EXD1: variants seen among roughly 807,000 people sequenced by gnomAD.
EXD1 encodes the protein piRNA biogenesis protein EXD1.
In EXD1, 63 loss-of-function variants were observed where a neutral mutation model predicts 49.1. That is an observed-to-expected ratio of 1.28 (90% CI 1.05 to 1.58). EXD1 has a LOEUF of 1.58. Among genes scored for constraint, EXD1 ranks in the 40% most tolerant of loss-of-function variants. EXD1 has a pLI of 0.00. For synonymous variants in EXD1, 234 were observed against 239.2 expected (o/e 0.98, Z 0.20); for missense variants, 748 against 666.0 (o/e 1.12, Z -1.36).
chr15:41,211,944 A>C (rs1024187896), intron 6 of EXD1, among the ~76,000 whole-genome samples: 1 of 152,162 alleles, frequency 6.6e-6, no homozygotes, highest in Non-Finnish European at 1.5e-5. Flanking sequence ...AGCCTGGGCT[A>C]CTAAGCGAGA....
chr15:41,206,896 A>G (rs1208754788), intron 7 of EXD1, among the ~76,000 whole-genome samples: 1 of 139,936 alleles, frequency 7.1e-6, no homozygotes, highest in African/African-American at 2.7e-5. Flanking sequence ...CTGGGATTAC[A>G]GGCATGAGCC....
intron 11 of EXD1, 96 bp from the exon 12 acceptor site, chr15:41,184,689 C>G (rs1392796809): frequency 7.9e-6 from 10 of 1,269,606 alleles, no homozygotes; most frequent in Non-Finnish European, 7.3e-6. Flanking sequence ...GAGTCTCGCT[C>G]TGTCGCCCAG....
At chr15:41,196,312 ATTTTTTTTTTT>A (rs572843554) in intron 7 of EXD1, among the ~76,000 whole-genome samples, 1 of 108,144 alleles carries the variant, frequency 9.2e-6, no homozygotes, top group South Asian at 2.9e-4. Context: ...CGCCCAGCTA[ATTTTTTTTTTT>A]TTTTTTTTTT....
chr15:41,217,081 A>G lies in EXD1; in HGVS notation c.260+16T>C. The G allele has an allele frequency of 6.2e-7, 1 of 1,607,050 alleles. No homozygotes were observed. Among genetic ancestry groups the G allele is most frequent in the Non-Finnish European group, 8.5e-7 (1 of 1,175,954 alleles). ...ATTTGGAAAATATCATAATTAAGAA[A>G]ATTATTCCTTCTTACCTAACAGAAG... On this transcript the variant is annotated intron_variant, in intron 4 of 11. Coordinates refer to ENST00000458580, the MANE Select transcript of EXD1 (RefSeq NM_001286441.2).
chr15:41,191,424 G>A lies in EXD1; in HGVS notation c.864+18C>T. 4.8e-6 allele frequency: 7 copies of A among 1,445,918 alleles called. No homozygotes were observed. The highest frequency in any genetic ancestry group is 2.5e-5 in the African/African-American group (1 of 39,252). 89.6% of individuals were successfully genotyped at this position (1,445,918 alleles called of 1,614,324 possible). On this transcript the variant is annotated intron_variant, in intron 10 of 11. Transcript: ENST00000458580. ...CTTGAAAAAAAATAATGTCATACAGGACATCCTTTACACCCACCTGAATTA... is the reference window on the plus strand; with the variant it reads ...CTTGAAAAAAAATAATGTCATACAGAACATCCTTTACACCCACCTGAATTA...
At chr15:41,215,730 A>C in intron 6 of EXD1, 45 bp downstream of exon 6, 1 of 1,550,970 alleles carries the variant, frequency 6.4e-7, no homozygotes, top group Non-Finnish European at 8.9e-7. Context: ...CAGACATGAT[A>C]CCTACATACA....
chr15:41,224,314 T>C (rs1365016394), intron 2 of EXD1, among the ~76,000 whole-genome samples: 1 of 152,166 alleles, frequency 6.6e-6, no homozygotes, highest in Non-Finnish European at 1.5e-5. Flanking sequence ...GTTCCTGAGA[T>C]ATAAAACAAT....
intron 6 of EXD1, among the ~76,000 whole-genome samples, chr15:41,213,679 A>C (rs1566989679): frequency 6.6e-6 from 1 of 151,912 alleles, no homozygotes. Flanking sequence ...TTGTATTTTT[A>C]GTAGAGATGG....
At chr15:41,205,220 C>T (rs1460540948) in intron 7 of EXD1, among the ~76,000 whole-genome samples, 1 of 152,142 alleles carries the variant, frequency 6.6e-6, no homozygotes, top group African/African-American at 2.4e-5. Context: ...TCCCTTGGCC[C>T]CTGCATCTTG....
At chr15:41,228,046 G>A (rs997912979) in intron 1 of EXD1, among the ~76,000 whole-genome samples, 14 of 152,114 alleles carry the variant, frequency 9.2e-5, no homozygotes, top group African/African-American at 3.1e-4. Context: ...GTGAAACTCT[G>A]TCTCAAAAAA....
chr15:41,215,884 T>G (rs373412692), intron 5 of EXD1, 51 bp from the exon 6 acceptor site: 2 of 1,586,016 alleles, frequency 1.3e-6, no homozygotes, highest in Non-Finnish European at 1.7e-6. Context: ...AGCAACAGAA[T>G]AGCTTTCTCA....
At position 41,184,304 on chromosome 15, in the gene EXD1, T is replaced by C; in HGVS notation, c.1346A>G (p.Asn449Ser). ...CTCTGTGGGAGGTAGATGTTGAGGA[T>C]TTGTAGCTTGTTTATTCAAAGATTC... ...KEESLNKQAT[N>S]PQHLPPTEEG... Residue 449 changes from asparagine (N) to serine (S), a missense_variant, in exon 12 of 12, where the codon AAT becomes AGT. Transcript: ENST00000458580. 1 of 1,614,182 alleles carries C rather than the reference T, an allele frequency of 6.2e-7. No individual in the cohort carries two copies. Among genetic ancestry groups the C allele is most frequent in the Non-Finnish European group, 8.5e-7 (1 of 1,180,024 alleles).
intron 3 of EXD1, 44 bp downstream of exon 3, chr15:41,219,786 T>A (rs1025774614): frequency 6.3e-6 from 9 of 1,424,720 alleles, no homozygotes; most frequent in Non-Finnish European, 8.6e-6. Flanking sequence ...AATATTGGAA[T>A]GAAATCTCAG....
At chr15:41,187,998 A>C (rs375429123) in intron 11 of EXD1, among the ~76,000 whole-genome samples, 1 of 139,186 alleles carries the variant, frequency 7.2e-6, no homozygotes, top group East Asian at 2.2e-4. Context: ...CTGGGCAACA[A>C]GAGCGAAACC....
chr15:41,216,526 G>A (rs2047001107), intron 5 of EXD1, 142 bp downstream of exon 5: 1 of 820,640 alleles, frequency 1.2e-6, no homozygotes, highest in African/African-American at 1.7e-5. Flanking sequence ...AGCTACTATG[G>A]AGGCAGAGGC....
At chr15:41,204,605 C>A (rs2046794388) in intron 7 of EXD1, among the ~76,000 whole-genome samples, 2 of 151,910 alleles carry the variant, frequency 1.3e-5, no homozygotes, top group Non-Finnish European at 2.9e-5. Context: ...ACCTATAGTC[C>A]CAAGTAGTCC....
intron 1 of EXD1, 46 bp from the exon 2 acceptor site, chr15:41,226,674 G>A (rs942665737): frequency 1.4e-6 from 2 of 1,405,742 alleles, no homozygotes; most frequent in African/African-American, 1.4e-5. Flanking sequence ...AGATTTTTTG[G>A]GAGTAAAGTT....
At chr15:41,189,487 C>T (rs990021305) in intron 11 of EXD1, among the ~76,000 whole-genome samples, 1 of 151,204 alleles carries the variant, frequency 6.6e-6, no homozygotes, top group African/African-American at 2.4e-5. Context: ...CATGGTGAAA[C>T]CCCATTTCTA....
intron 11 of EXD1, among the ~76,000 whole-genome samples, chr15:41,185,602 C>G (rs2046395540): frequency 6.6e-6 from 1 of 152,092 alleles, no homozygotes; most frequent in Admixed American, 6.6e-5. Flanking sequence ...CAATCTCCAC[C>G]TCCTGGGCTC....
Sources: allele counts gnomAD v4.1 joint callset (sites outside exome capture counted in the v4.1 genomes callset), GRCh38; gene constraint gnomAD v4.1.1; transcripts MANE v1.5; gene names NCBI Gene and HGNC (gene_info 2026-07-23, HGNC 2026-07-21).